Variants in SERPINB9 observed in about 807,000 individuals in gnomAD.
SERPINB9 encodes the protein serpin family B member 9.
In SERPINB9, 20 loss-of-function variants were observed where a neutral mutation model predicts 27.2. The observed-to-expected ratio is 0.74, with a 90% CI of 0.52 to 1.07. The LOEUF (loss-of-function observed/expected upper bound fraction) is 1.07. Among genes scored for constraint, SERPINB9 ranks in the 50% least tolerant of loss-of-function variants. The pLI, the probability that SERPINB9 is intolerant of heterozygous loss-of-function variation, is 0.00. For synonymous variants in SERPINB9, 189 were observed against 180.0 expected, an observed-to-expected ratio of 1.05 and a Z score of -0.40; for missense variants, 476 against 460.1, an observed-to-expected ratio of 1.03 and a Z score of -0.32.
intron 2 of SERPINB9, 98 bp downstream of exon 2, chr6:2,900,346 G>A: frequency 6.9e-7 from 1 of 1,456,118 alleles, no homozygotes; most frequent in Non-Finnish European, 9.4e-7. Context: ...CCCCAGTCCT[G>A]CCCTCCTTTC....
rs1767769479 is a variant in SERPINB9 at position 2,890,682 on chromosome 6, AG to A, written c.724-113del. ...GCACGTAGGTGTTGTTTGTTCACAT[AG>A]GATCAGTGGCCCCTTCATCTGCCAG... is the stretch of plus-strand genomic sequence containing the variant. On this transcript the variant is annotated intron_variant, in intron 6 of 6. Transcript: ENST00000380698. The surrounding 1 kb of genome is among the most constrained non-coding windows in gnomAD (Gnocchi z 6.2). 9.8e-7 allele frequency: 1 copy of A among 1,017,796 alleles called. No homozygotes were observed. Among genetic ancestry groups the A allele is most frequent in the Admixed American group, 2.3e-5 (1 of 43,190 alleles). 63.0% of individuals were successfully genotyped at this position (1,017,796 alleles called of 1,614,324 possible).
At chr6:2,893,777 C>A (rs186877955) in intron 4 of SERPINB9, among the ~76,000 whole-genome samples, 25 of 152,102 alleles carry the variant, frequency 1.6e-4, no homozygotes, top group African/African-American at 6.0e-4. Context: ...CTAAGTCACT[C>A]GAGGAAAGCA....
intron 2 of SERPINB9, 46 bp downstream of exon 2, chr6:2,900,398 A>T (rs1348651808): frequency 9.4e-6 from 15 of 1,597,248 alleles, no homozygotes; most frequent in Non-Finnish European, 1.3e-5. Context: ...GTGACAGAAC[A>T]CGCAGCCCAG....
rs1384110536 is a variant in SERPINB9 at position 2,889,865 on chromosome 6, G to A, written c.*298C>T. On this transcript the variant is annotated 3_prime_UTR_variant, in exon 7 of 7. Coordinates refer to ENST00000380698, the MANE Select transcript of SERPINB9 (RefSeq NM_004155.6). ...CGCAGTGTCAGGAAAGCACAGGGTC[G>A]CCAGAGTGAATTGCATGTGGAATTC... 9.8e-6 allele frequency: 3 copies of A among 304,992 alleles called. No homozygotes were observed. Among genetic ancestry groups the A allele is most frequent in the Non-Finnish European group, 1.8e-5 (3 of 163,126 alleles). 18.9% of individuals were successfully genotyped at this position (304,992 alleles called of 1,614,324 possible). A position where few individuals can be genotyped will look rare whatever the true frequency, so the allele number is the denominator to read the frequency against.
Position 2,891,818 on chromosome 6 carries a change from C to T in SERPINB9, c.723+15G>A. The T allele has an allele frequency of 6.4e-7, 1 of 1,571,324 alleles. No individual in the cohort carries two copies. Among genetic ancestry groups the T allele is most frequent in the Non-Finnish European group, 8.6e-7 (1 of 1,164,754 alleles). ...CAAAGGTGTCCCTGGGTTCTTCCCG[C>T]AGCCCGGGTCTTACCGTGCTGAGCT... On this transcript the variant is annotated intron_variant, in intron 6 of 6. Transcript: ENST00000380698. This position sits in a 1 kb window ranked among gnomAD's most constrained non-coding sequence, Gnocchi z 4.0.
At chr6:2,900,670 T>C in intron 1 of SERPINB9, 49 bp from the exon 2 acceptor site, 1 of 1,524,132 alleles carries the variant, frequency 6.6e-7, no homozygotes, top group Non-Finnish European at 9.0e-7. Flanking sequence ...TCCCTGAATG[T>C]TACTGACCTA....
chr6:2,899,515 C>T (rs963733690), intron 2 of SERPINB9, among the ~76,000 whole-genome samples: 1 of 152,180 alleles, frequency 6.6e-6, no homozygotes, highest in Non-Finnish European at 1.5e-5. Context: ...ATGTAATCCT[C>T]TTTACTTTTT....
At chr6:2,897,490 C>A (rs1768039246) in intron 2 of SERPINB9, among the ~76,000 whole-genome samples, 1 of 151,966 alleles carries the variant, frequency 6.6e-6, no homozygotes, top group Admixed American at 6.5e-5. Context: ...CAAACAAATT[C>A]TTCTAAATAA....
rs752189170 is a variant in SERPINB9 at position 2,893,483 on chromosome 6, G to C, written c.495C>G (p.Ile165Met). 3.7e-6 allele frequency: 6 copies of C among 1,613,302 alleles called. No homozygotes were observed. Among genetic ancestry groups the C allele is most frequent in the Non-Finnish European group, 4.2e-6 (5 of 1,179,580 alleles). The change falls in exon 5 of 7, where the codon ATC becomes ATG. Residue 165 changes from isoleucine to methionine, a missense_variant. Ile to Met is a conservative substitution (Grantham distance 10). Transcript: ENST00000380698. ...AETRLVLVNA[I>M]YFKGKWNEPF... ...GTTCATTCCACTTTCCTTTGAAGTAGATGGCATTGACAAGAACCAGCCTGG... is the reference window on the plus strand; with the variant it reads ...GTTCATTCCACTTTCCTTTGAAGTACATGGCATTGACAAGAACCAGCCTGG...
chr6:2,890,559 A>G lies in SERPINB9; in HGVS notation c.735T>C (p.Ser245=), dbSNP rs1168305292. The G allele has an allele frequency of 6.2e-7, 1 of 1,606,448 alleles. No homozygotes were observed. Among genetic ancestry groups the G allele is most frequent in the Admixed American group, 1.7e-5 (1 of 59,540 alleles). The change falls in exon 7 of 7, where the codon AGT becomes AGC. Residue 245 remains serine, a synonymous_variant. Transcript: ENST00000380698. The surrounding 1 kb of genome is among the most constrained non-coding windows in gnomAD (Gnocchi z 6.2). ...AGGCTGTGAGTTTCTCAAAAGTGAG[A>G]CTTTTTTCCACCTGAAAGACCAGAA... ...DGVELSTVEK[S]LTFEKLTAWT... is the part of the protein sequence containing the mutation.
rs1276517843 is a variant in SERPINB9, at chr6:2,894,447, C to T, written c.425-894G>A. ...TGGAGGGTATTTTCAGTCTGTGGAA[C>T]TGATCAGCCCTGAGAGAGGGTCGGC... On this transcript the variant is annotated intron_variant, in intron 4 of 6. Transcript: ENST00000380698. This position sits in a 1 kb window ranked among gnomAD's most constrained non-coding sequence, Gnocchi z 4.7. Among the ~76,000 whole-genome samples the T allele has an allele frequency of 6.6e-6, 1 of 152,082 alleles. No homozygotes were observed. Among genetic ancestry groups the T allele is most frequent in the Non-Finnish European group, 1.5e-5 (1 of 68,028 alleles).
chr6:2,896,184 A>T lies in SERPINB9; in HGVS notation c.175T>A (p.Ser59Thr), dbSNP rs1483451648. The change falls in exon 3 of 7, where the codon TCT becomes ACT. Residue 59 changes from serine (S) to threonine (T), a missense_variant. Transcript: ENST00000380698. ...TGAATGTCTTCCTCTGTGTTTAAAG[A>T]CAGTGCCTGTTGTGAAAGATAATTT... The part of the protein sequence containing the change: ...NTATQMAQAL[S>T]LNTEEDIHRA... 6.2e-7 allele frequency: 1 copy of T among 1,613,412 alleles called. No individual in the cohort carries two copies. Among genetic ancestry groups the T allele is most frequent in the African/African-American group, 1.3e-5 (1 of 75,004 alleles).
At chr6:2,896,003 T>C (rs1767983826) in intron 3 of SERPINB9, 50 bp downstream of exon 3, 3 of 1,556,156 alleles carry the variant, frequency 1.9e-6, no homozygotes, top group Admixed American at 2.0e-5. Context: ...AGACTCTATA[T>C]CACCAGGTAT....
Position 2,897,831 on chromosome 6 carries a change from C to A in SERPINB9, c.169-1641G>T, listed in dbSNP as rs185253616. Among the ~76,000 whole-genome samples, 61 of 152,180 alleles carry A rather than the reference C, an allele frequency of 4.0e-4. No individual in the cohort carries two copies. The East Asian group carries it at 0.011, about 28-fold the overall frequency. ...GAAAAAGAGGTTACAGCAATATAAACAAAGGGAATGTTAAAACAAAAACTC... is the reference window on the plus strand; with the variant it reads ...GAAAAAGAGGTTACAGCAATATAAAAAAAGGGAATGTTAAAACAAAAACTC... On this transcript the variant is annotated intron_variant, in intron 2 of 6. Coordinates refer to ENST00000380698, the MANE Select transcript of SERPINB9 (RefSeq NM_004155.6).
At chr6:2,892,565 GCA>G (rs1238780553) in intron 5 of SERPINB9, among the ~76,000 whole-genome samples, 1 of 152,064 alleles carries the variant, frequency 6.6e-6, no homozygotes, top group African/African-American at 2.4e-5. Context: ...AGAGGCATAA[GCA>G]CATAGAAGCT....
chr6:2,900,346 G>C (rs1034907212), intron 2 of SERPINB9, 98 bp downstream of exon 2: 1 of 1,455,998 alleles, frequency 6.9e-7, no homozygotes, highest in African/African-American at 1.4e-5. Context: ...CCCCAGTCCT[G>C]CCCTCCTTTC....
chr6:2,899,732 A>G (rs1768129495), intron 2 of SERPINB9: 1 of 278,944 alleles, frequency 3.6e-6, no homozygotes, highest in South Asian at 3.3e-5. Flanking sequence ...TGAGTAATTC[A>G]CTATTGAAAA....
chr6:2,899,615 A>G lies in SERPINB9; in HGVS notation c.168+829T>C, dbSNP rs146528712. Reference sequence around the variant, plus strand: ...ATTTTCATTGCAATGCCCTATTTCCAAATATATATATCTTTTAGAGAGCCT... The same window carrying G: ...ATTTTCATTGCAATGCCCTATTTCCGAATATATATATCTTTTAGAGAGCCT... On this transcript the variant is annotated intron_variant, in intron 2 of 6. Coordinates refer to ENST00000380698, the MANE Select transcript of SERPINB9 (RefSeq NM_004155.6). Among the ~76,000 whole-genome samples the G allele has an allele frequency of 4.0e-4, 61 of 152,284 alleles. No individual in the cohort carries two copies. In the East Asian group the frequency reaches 0.01, roughly 26 times the overall value.
At chr6:2,900,752 GA>G (rs1182394300) in intron 1 of SERPINB9, 131 bp from the exon 2 acceptor site, 2 of 856,462 alleles carry the variant, frequency 2.3e-6, no homozygotes, top group Non-Finnish European at 3.6e-6. Flanking sequence ...TTAAATTGGA[GA>G]AAAATTTATT....
Sources: allele counts gnomAD v4.1 joint callset (sites outside exome capture counted in the v4.1 genomes callset), GRCh38; gene constraint gnomAD v4.1.1; non-coding constraint Gnocchi (gnomAD v3.1); transcripts MANE v1.5; gene names NCBI Gene and HGNC (gene_info 2026-07-23, HGNC 2026-07-21).